Variants in GRM8 observed in about 807,000 individuals in gnomAD.
GRM8 encodes the protein glutamate metabotropic receptor 8.
In GRM8, 47 loss-of-function variants were observed where a neutral mutation model predicts 87.2. The ratio of observed to expected loss-of-function variants is 0.54; its 90% confidence interval spans 0.43 to 0.69. The LOEUF (loss-of-function observed/expected upper bound fraction) is 0.69. Among genes scored for constraint, GRM8 ranks in the 30% least tolerant of loss-of-function variants. The probability of loss-of-function intolerance (pLI) is 0.00; values close to 1 mark genes in which losing one functional copy is unlikely to be tolerated. For synonymous variants in GRM8, 396 were observed against 404.5 expected (o/e 0.98, Z 0.25); for missense variants, 1,019 against 1,139.2 (o/e 0.89, Z 1.52).
At chr7:126,812,400 C>T (rs895691558) in intron 6 of GRM8, among the ~76,000 whole-genome samples, 3 of 151,904 alleles carry the variant, frequency 2.0e-5, no homozygotes, top group Non-Finnish European at 4.4e-5. Context: ...CGCTCCTAGG[C>T]TGTAAAGATA....
chr7:126,736,659 T>C (rs1408618095), intron 7 of GRM8, among the ~76,000 whole-genome samples: 4 of 152,100 alleles, frequency 2.6e-5, no homozygotes, highest in Admixed American at 1.3e-4. Context: ...GACAGCTTAA[T>C]AGAAATGGAA....
rs140935631 is a variant in GRM8 at position 126,757,083 on chromosome 7, T to G, written c.1357+12782A>C. On this transcript the variant is annotated intron_variant, in intron 7 of 10. Coordinates refer to ENST00000339582, the MANE Select transcript of GRM8 (RefSeq NM_000845.3). The stretch of plus-strand genomic sequence containing the variant: ...AGCTTTAAAAATTAAATATTGAATG[T>G]CTAACAAAGTAAATTTAAATAATTG... 5.5e-3 allele frequency among the ~76,000 whole-genome samples: 843 copies of G among 152,236 alleles called. 14 individuals are homozygous for G. Among genetic ancestry groups the G allele is most frequent in the African/African-American group, 0.019 (794 of 41,548 alleles).
At chr7:127,106,396 A>G (rs1382707606) in intron 3 of GRM8, 100 bp downstream of exon 3, 1 of 864,832 alleles carries the variant, frequency 1.2e-6, no homozygotes, top group East Asian at 2.6e-5. Context: ...CATCTGTAGG[A>G]GTTCCAATTA....
At position 126,655,695 on chromosome 7, in the gene GRM8, T is replaced by C. The variant is rs1405912119; in HGVS notation, c.1358-46197A>G. Among the ~76,000 whole-genome samples the C allele has an allele frequency of 2.0e-5, 3 of 152,254 alleles. No homozygotes were observed. In the East Asian group the frequency reaches 5.8e-4, roughly 29 times the overall value. On this transcript the variant is annotated intron_variant, in intron 7 of 10. Transcript: ENST00000339582. Reference sequence around the variant, plus strand: ...ATATTAGGCATCTGAATCAGTATTATTGTTTTAATTTATCAAATAATGTCC... The same window carrying C: ...ATATTAGGCATCTGAATCAGTATTACTGTTTTAATTTATCAAATAATGTCC...
intron 7 of GRM8, among the ~76,000 whole-genome samples, chr7:126,713,369 T>A (rs948338413): frequency 6.6e-6 from 1 of 152,094 alleles, no homozygotes; most frequent in Admixed American, 6.6e-5. Context: ...TACCACATGT[T>A]CTCACTCATA....
At chr7:126,844,893 A>G (rs1307383486) in intron 6 of GRM8, among the ~76,000 whole-genome samples, 3 of 152,190 alleles carry the variant, frequency 2.0e-5, no homozygotes, top group African/African-American at 4.8e-5. Context: ...CTATCTCCAA[A>G]TAGTCACATT....
chr7:127,185,995 C>T (rs1176880267), intron 2 of GRM8, among the ~76,000 whole-genome samples: 2 of 152,200 alleles, frequency 1.3e-5, no homozygotes, highest in Middle Eastern at 6.8e-3. Flanking sequence ...AAACAAAATT[C>T]TTTATGTATG....
intron 3 of GRM8, among the ~76,000 whole-genome samples, chr7:127,090,074 A>C (rs1823901171): frequency 6.6e-6 from 1 of 152,212 alleles, no homozygotes; most frequent in African/African-American, 2.4e-5. Flanking sequence ...CACTTGTGCC[A>C]ATACCAACTT....
chr7:126,841,932 C>T (rs945330385), intron 6 of GRM8, among the ~76,000 whole-genome samples: 1 of 151,944 alleles, frequency 6.6e-6, no homozygotes, highest in African/African-American at 2.4e-5. Flanking sequence ...GTGACCGGCC[C>T]CAGCCTTTAT....
intron 3 of GRM8, among the ~76,000 whole-genome samples, chr7:127,063,005 C>G (rs569516777): frequency 6.6e-6 from 1 of 152,248 alleles, no homozygotes; most frequent in South Asian, 2.1e-4. Context: ...GTAATCCCAG[C>G]ACTTTGGGAG....
chr7:127,217,097 T>C (rs7782149), intron 2 of GRM8, among the ~76,000 whole-genome samples: 12,077 of 152,258 alleles, frequency 0.079, 514 homozygotes, highest in African/African-American at 0.096. Flanking sequence ...GGGTGCTCTG[T>C]GGTATACATA....
chr7:127,245,722 T>A (rs979228539), intron 1 of GRM8, among the ~76,000 whole-genome samples: 1 of 152,264 alleles, frequency 6.6e-6, no homozygotes, highest in Non-Finnish European at 1.5e-5. Context: ...CTGAATGCAC[T>A]GAAATGGAAA....
At chr7:126,876,880 C>CTGAGACTAA (rs1799563618) in intron 6 of GRM8, among the ~76,000 whole-genome samples, 1 of 151,774 alleles carries the variant, frequency 6.6e-6, no homozygotes, top group Non-Finnish European at 1.5e-5. Flanking sequence ...ACAGTACTTG[C>CTGAGACTAA]TGAGACTAAC....
At chr7:126,830,734 T>C (rs1288469213) in intron 6 of GRM8, among the ~76,000 whole-genome samples, 15 of 148,892 alleles carry the variant, frequency 1.0e-4, no homozygotes, top group South Asian at 2.1e-4. Context: ...AGCTTTGTTC[T>C]GTTGCTGGTG....
intron 9 of GRM8, among the ~76,000 whole-genome samples, chr7:126,531,943 G>A (rs1251985690): frequency 1.3e-5 from 2 of 152,138 alleles, no homozygotes; most frequent in Non-Finnish European, 2.9e-5. Context: ...TCAGAGGATG[G>A]AACAATCAAG....
At chr7:126,699,047 G>A (rs1809663441) in intron 7 of GRM8, among the ~76,000 whole-genome samples, 1 of 152,122 alleles carries the variant, frequency 6.6e-6, no homozygotes, top group Non-Finnish European at 1.5e-5. Flanking sequence ...TTATAATAAG[G>A]AGGGTCACTG....
chr7:127,044,098 C>A (rs1008229051), intron 3 of GRM8, among the ~76,000 whole-genome samples: 6 of 152,222 alleles, frequency 3.9e-5, no homozygotes, highest in African/African-American at 1.2e-4. Context: ...TGAGCTGGCT[C>A]TCTGATGAAG....
intron 7 of GRM8, among the ~76,000 whole-genome samples, chr7:126,691,487 C>T (rs1159038919): frequency 6.6e-6 from 1 of 152,040 alleles, no homozygotes; most frequent in Non-Finnish European, 1.5e-5. Flanking sequence ...AGGTTCCTGC[C>T]CCTCCAACTT....
chr7:126,702,770 T>C (rs1268193607), intron 7 of GRM8, among the ~76,000 whole-genome samples: 1 of 152,146 alleles, frequency 6.6e-6, no homozygotes, highest in Non-Finnish European at 1.5e-5. Flanking sequence ...TCCCAAGACC[T>C]TCTAAAAAAT....
Sources: allele counts gnomAD v4.1 joint callset (sites outside exome capture counted in the v4.1 genomes callset), GRCh38; gene constraint gnomAD v4.1.1; transcripts MANE v1.5; gene names NCBI Gene and HGNC (gene_info 2026-07-23, HGNC 2026-07-21).